Variants in MGMT observed in about 807,000 individuals in gnomAD.
MGMT encodes the protein O-6-methylguanine-DNA methyltransferase, also known as methylated-DNA--protein-cysteine methyltransferase.
In MGMT, 14 loss-of-function variants were observed where a neutral mutation model predicts 15.9. That is an observed-to-expected ratio of 0.88 (90% CI 0.58 to 1.37). MGMT has a LOEUF of 1.37. Ranked by LOEUF, MGMT falls within the 40% of genes most tolerant of loss-of-function variation. The probability of loss-of-function intolerance (pLI) is 0.00; values close to 1 mark genes in which losing one functional copy is unlikely to be tolerated. For synonymous variants in MGMT, 130 were observed against 118.2 expected (o/e 1.10, Z -0.65); for missense variants, 282 against 268.1 (o/e 1.05, Z -0.36).
intron 2 of MGMT, among the ~76,000 whole-genome samples, chr10:129,635,827 G>A (rs1257196835): frequency 6.6e-6 from 1 of 152,118 alleles, no homozygotes; most frequent in Non-Finnish European, 1.5e-5. Flanking sequence ...CTTACAAGCT[G>A]GTACGGGAAG....
intron 2 of MGMT, among the ~76,000 whole-genome samples, chr10:129,551,618 A>G (rs540164231): frequency 7.9e-5 from 12 of 152,314 alleles, no homozygotes; most frequent in Admixed American, 7.8e-4. Flanking sequence ...AGTGTCTTCT[A>G]CACTGATATT....
At chr10:129,747,397 A>G (rs912292669) in intron 3 of MGMT, among the ~76,000 whole-genome samples, 2 of 152,222 alleles carry the variant, frequency 1.3e-5, no homozygotes, top group Admixed American at 6.5e-5. Flanking sequence ...TTTTATCATG[A>G]ATAGGTGTTA....
At chr10:129,657,717 ACACACACACACC>A (rs1282045156) in intron 2 of MGMT, among the ~76,000 whole-genome samples, 38 of 149,658 alleles carry the variant, frequency 2.5e-4, no homozygotes, top group Middle Eastern at 3.4e-3. Context: ...GCACACACAC[ACACACACACACC>A]CCCTCTCCCC....
At chr10:129,506,980 A>G (rs926435187) in intron 1 of MGMT, among the ~76,000 whole-genome samples, 1 of 152,162 alleles carries the variant, frequency 6.6e-6, no homozygotes, top group Non-Finnish European at 1.5e-5. Flanking sequence ...TCACTCTGCC[A>G]CTTAGGGGCC....
chr10:129,525,202 A>G (rs1234396457), intron 1 of MGMT, among the ~76,000 whole-genome samples: 3 of 152,234 alleles, frequency 2.0e-5, no homozygotes, highest in Non-Finnish European at 4.4e-5. Flanking sequence ...AAAGCAGTGC[A>G]TGAGCTTCAG....
chr10:129,517,709 C>T (rs1241658690), intron 1 of MGMT, among the ~76,000 whole-genome samples: 1 of 152,206 alleles, frequency 6.6e-6, no homozygotes, highest in Non-Finnish European at 1.5e-5. Context: ...AGGAAAAAGT[C>T]TGGGGCCCTG....
intron 2 of MGMT, among the ~76,000 whole-genome samples, chr10:129,560,102 G>C (rs1228576068): frequency 6.6e-6 from 1 of 152,224 alleles, no homozygotes; most frequent in Non-Finnish European, 1.5e-5. Context: ...CTGACATTCT[G>C]TGAAAAAGGT....
At chr10:129,620,414 C>T (rs971811178) in intron 2 of MGMT, among the ~76,000 whole-genome samples, 23 of 152,120 alleles carry the variant, frequency 1.5e-4, no homozygotes, top group African/African-American at 5.1e-4. Flanking sequence ...TTCAATCAGT[C>T]GAGAAAGGAG....
chr10:129,472,987 G>A (rs997785359), intron 1 of MGMT, among the ~76,000 whole-genome samples: 4 of 152,210 alleles, frequency 2.6e-5, no homozygotes, highest in African/African-American at 9.6e-5. Flanking sequence ...AAAGGTTCAG[G>A]TGTGCCACAT....
At chr10:129,740,438 G>A (rs536202088) in intron 3 of MGMT, among the ~76,000 whole-genome samples, 1 of 152,310 alleles carries the variant, frequency 6.6e-6, no homozygotes, top group South Asian at 2.1e-4. Flanking sequence ...CTACCATGTA[G>A]TTAAGAATGC....
At chr10:129,545,851 T>G (rs1846092791) in intron 2 of MGMT, among the ~76,000 whole-genome samples, 1 of 152,274 alleles carries the variant, frequency 6.6e-6, no homozygotes. Flanking sequence ...TATACTTGGT[T>G]TGTTAAATGT....
chr10:129,694,616 CT>C (rs933359382), intron 2 of MGMT, among the ~76,000 whole-genome samples: 54 of 152,298 alleles, frequency 3.5e-4, no homozygotes, highest in African/African-American at 1.3e-3. Context: ...TCCAGCCCCC[CT>C]GTTTGTTCTT....
intron 2 of MGMT, among the ~76,000 whole-genome samples, chr10:129,557,072 C>G (rs1262486139): frequency 6.6e-6 from 1 of 152,194 alleles, no homozygotes; most frequent in Non-Finnish European, 1.5e-5. Context: ...TTCGTGGTCC[C>G]TGGAGTGGAG....
At chr10:129,748,334 G>A (rs143022485) in intron 3 of MGMT, among the ~76,000 whole-genome samples, 16 of 152,190 alleles carry the variant, frequency 1.1e-4, no homozygotes, top group African/African-American at 3.4e-4. Context: ...TTGGCCATTT[G>A]GGAGATTGTG....
intron 2 of MGMT, among the ~76,000 whole-genome samples, chr10:129,577,847 AC>A (rs1386678933): frequency 6.6e-6 from 1 of 152,374 alleles, no homozygotes; most frequent in African/African-American, 2.4e-5. Flanking sequence ...CAAGAAAAAA[AC>A]AACCCCATCA....
At chr10:129,525,799 C>A (rs930501561) in intron 1 of MGMT, among the ~76,000 whole-genome samples, 2 of 152,274 alleles carry the variant, frequency 1.3e-5, no homozygotes, top group East Asian at 3.9e-4. Context: ...TGCAGAATCT[C>A]CCCCTTCGTG....
At chr10:129,482,445 G>A (rs1179329568) in intron 1 of MGMT, among the ~76,000 whole-genome samples, 1 of 152,084 alleles carries the variant, frequency 6.6e-6, no homozygotes, top group Non-Finnish European at 1.5e-5. Flanking sequence ...TGCTCTTCAA[G>A]CCTTCTATAT....
chr10:129,687,665 G>A (rs1024764491), intron 2 of MGMT, among the ~76,000 whole-genome samples: 2 of 149,658 alleles, frequency 1.3e-5, no homozygotes, highest in African/African-American at 4.9e-5. Context: ...ATTTTTCATT[G>A]TGGGCATGTC....
At chr10:129,706,191 G>A (rs193104936) in intron 2 of MGMT, among the ~76,000 whole-genome samples, 1 of 152,318 alleles carries the variant, frequency 6.6e-6, no homozygotes, top group African/African-American at 2.4e-5. Flanking sequence ...AGTCCCCGAG[G>A]CCTCCACTCT....
Sources: allele counts gnomAD v4.1 joint callset (sites outside exome capture counted in the v4.1 genomes callset), GRCh38; gene constraint gnomAD v4.1.1; transcripts MANE v1.5; gene names NCBI Gene and HGNC (gene_info 2026-07-23, HGNC 2026-07-21).